The following TRDN variants were observed in gnomAD, a reference collection of about 807,000 sequenced individuals.
TRDN encodes the protein triadin in skeletal muscle.
A neutral mutation model predicts 149.7 loss-of-function variants in TRDN; 161 were observed. The ratio of observed to expected loss-of-function variants is 1.08; its 90% CI spans 0.95 to 1.23. The LOEUF (loss-of-function observed/expected upper bound fraction) is 1.23. Among genes scored for constraint, TRDN ranks in the 50% most tolerant of loss-of-function variants. TRDN has a pLI of 0.00. For missense variants in TRDN, 896 were observed against 823.5 expected (o/e 1.09, Z -1.08); for synonymous variants, 294 against 250.5 (o/e 1.17, Z -1.64).
intron 1 of TRDN, among the ~76,000 whole-genome samples, chr6:123,602,912 T>G (rs1462969150): frequency 6.6e-6 from 1 of 151,844 alleles, no homozygotes; most frequent in Admixed American, 6.6e-5. Flanking sequence ...ATGCTATTAC[T>G]TCAGCCAAAG....
intron 1 of TRDN, among the ~76,000 whole-genome samples, chr6:123,622,318 GACACACACACAC>G (rs67160946): frequency 8.1e-6 from 1 of 123,664 alleles, no homozygotes; most frequent in Non-Finnish European, 1.7e-5. Flanking sequence ...TATATATACA[GACACACACACAC>G]ACACACACAC....
chr6:123,502,384 A>C (rs1583155751), intron 8 of TRDN: 2 of 645,606 alleles, frequency 3.1e-6, no homozygotes, highest in East Asian at 2.7e-4. Context: ...AAAAAGTTTT[A>C]GAGCTCCTAA....
chr6:123,413,130 CTT>C lies in TRDN; in HGVS notation c.1052-19455_1052-19454del, dbSNP rs373333062. Among the ~76,000 whole-genome samples the C allele has an allele frequency of 9.9e-4, 150 of 152,250 alleles. 2 individuals are homozygous for C. The South Asian group carries it at 0.022, about 22-fold the overall frequency. On this transcript the variant is annotated intron_variant, in intron 12 of 40. Coordinates refer to ENST00000334268, the MANE Select transcript of TRDN (RefSeq NM_006073.4). Reference sequence around the variant, plus strand: ...CTTCTTGATTTGAAAAGTTAACACTCTTTAGAAAGTTTGGAATCCATGTAATG... The same window carrying C: ...CTTCTTGATTTGAAAAGTTAACACTCTAGAAAGTTTGGAATCCATGTAATG...
chr6:123,539,410 A>G (rs917718280), intron 4 of TRDN, among the ~76,000 whole-genome samples: 1 of 152,240 alleles, frequency 6.6e-6, no homozygotes, highest in African/African-American at 2.4e-5. Context: ...AAAATTATCA[A>G]TGTATGGCAT....
intron 24 of TRDN, among the ~76,000 whole-genome samples, chr6:123,312,773 G>A (rs1264791393): frequency 6.6e-6 from 1 of 151,850 alleles, no homozygotes; most frequent in African/African-American, 2.4e-5. Context: ...AACTTCCTAG[G>A]GAACCCTTCA....
At chr6:123,315,877 T>C (rs1779003568) in intron 24 of TRDN, among the ~76,000 whole-genome samples, 1 of 151,910 alleles carries the variant, frequency 6.6e-6, no homozygotes, top group African/African-American at 2.4e-5. Flanking sequence ...AAAACCTGTT[T>C]TTAGAAAGTC....
At chr6:123,229,825 T>A (rs1334362328) in intron 38 of TRDN, among the ~76,000 whole-genome samples, 1 of 151,978 alleles carries the variant, frequency 6.6e-6, no homozygotes, top group Non-Finnish European at 1.5e-5. Flanking sequence ...AGGTATGGTA[T>A]ATAATTATGT....
intron 1 of TRDN, among the ~76,000 whole-genome samples, chr6:123,600,583 G>A (rs1784235310): frequency 6.6e-6 from 1 of 151,988 alleles, no homozygotes; most frequent in Non-Finnish European, 1.5e-5. Flanking sequence ...ATAATCTGAG[G>A]GAACAGAAAT....
At chr6:123,609,266 T>C (rs1396399435) in intron 1 of TRDN, among the ~76,000 whole-genome samples, 5 of 152,078 alleles carry the variant, frequency 3.3e-5, no homozygotes, top group African/African-American at 1.2e-4. Context: ...TCCATGCATA[T>C]ATATGTGGAG....
intron 33 of TRDN, among the ~76,000 whole-genome samples, chr6:123,262,712 G>A (rs1776815360): frequency 6.6e-6 from 1 of 151,962 alleles, no homozygotes; most frequent in African/African-American, 2.4e-5. Flanking sequence ...ACATTTCTGT[G>A]TCTCATTTTG....
intron 9 of TRDN, among the ~76,000 whole-genome samples, chr6:123,485,717 G>A (rs1454948898): frequency 1.3e-5 from 2 of 152,076 alleles, no homozygotes; most frequent in Non-Finnish European, 2.9e-5. Context: ...TATGCTCATT[G>A]CTTAAAATAT....
rs1785749652 is a variant in TRDN at position 123,627,656 on chromosome 6, C to G, written c.22+9098G>C. Among the ~76,000 whole-genome samples the G allele has an allele frequency of 3.9e-5, 6 of 152,302 alleles. No individual in the cohort carries two copies. In the South Asian group the frequency reaches 1.2e-3, roughly 32 times the overall value. ...TTGAAGCTTTGGAGCCAGGCATTGA[C>G]TTCTCCTATCTAGCTCTGAAAGTCC... On this transcript the variant is annotated intron_variant, in intron 1 of 40. Transcript: ENST00000334268.
intron 1 of TRDN, among the ~76,000 whole-genome samples, chr6:123,601,625 T>C (rs957545110): frequency 4.6e-5 from 7 of 152,104 alleles, no homozygotes; most frequent in Non-Finnish European, 7.4e-5. Context: ...TCAGTGTTTC[T>C]TGCAGAGAGA....
intron 2 of TRDN, among the ~76,000 whole-genome samples, chr6:123,559,116 C>T (rs889534929): frequency 8.5e-5 from 13 of 152,322 alleles, no homozygotes; most frequent in African/African-American, 3.1e-4. Flanking sequence ...CTGACACTGC[C>T]CGATCACCTC....
intron 40 of TRDN, 129 bp from the exon 41 acceptor site, chr6:123,218,869 C>T: frequency 1.1e-6 from 1 of 903,356 alleles, no homozygotes; most frequent in Non-Finnish European, 1.7e-6. Context: ...TGGCAAGTTA[C>T]TAAACTTCAC....
chr6:123,393,525 G>A, intron 13 of TRDN, 99 bp downstream of exon 13: 1 of 1,023,890 alleles, frequency 9.8e-7, no homozygotes, highest in South Asian at 1.7e-5. Context: ...TATCCCAGCA[G>A]ATGGTGCTAT....
chr6:123,445,081 T>C (rs1775229530), intron 10 of TRDN: 1 of 151,808 alleles, frequency 6.6e-6, no homozygotes, highest in Non-Finnish European at 1.5e-5. Flanking sequence ...ATTGGAATAG[T>C]TTCAGAAGGA....
rs542839303 is a variant in TRDN, at chr6:123,328,210, A to G, written c.1471+3669T>C. Among the ~76,000 whole-genome samples, 9 of 152,294 alleles carry G rather than the reference A, an allele frequency of 5.9e-5. No individual in the cohort carries two copies. The South Asian group carries it at 1.9e-3, about 32-fold the overall frequency. On this transcript the variant is annotated intron_variant, in intron 23 of 40. Coordinates refer to ENST00000334268, the MANE Select transcript of TRDN (RefSeq NM_006073.4). ...GCAGTTAAATGTATCAAGAATCTAA[A>G]TCTTCCCTGGTGGCAAGGGGATGGG...
chr6:123,557,846 T>C (rs1781761919), intron 2 of TRDN, among the ~76,000 whole-genome samples: 1 of 150,920 alleles, frequency 6.6e-6, no homozygotes, highest in Non-Finnish European at 1.5e-5. Flanking sequence ...CTCTCTTTTC[T>C]CTGGACTTAG....
Sources: allele counts gnomAD v4.1 joint callset (sites outside exome capture counted in the v4.1 genomes callset), GRCh38; gene constraint gnomAD v4.1.1; transcripts MANE v1.5; gene names NCBI Gene and HGNC (gene_info 2026-07-23, HGNC 2026-07-21).